ITIH5: variants seen among roughly 807,000 people sequenced by gnomAD.
ITIH5 encodes inter-alpha-trypsin inhibitor heavy chain 5.
A neutral mutation model predicts 77.5 loss-of-function variants in ITIH5; 65 were observed. That is an observed-to-expected ratio of 0.84 (90% CI 0.69 to 1.03). The LOEUF is 1.03. Ranked by LOEUF, ITIH5 falls within the 50% of genes least tolerant of loss-of-function variation. The pLI, the probability that ITIH5 is intolerant of heterozygous loss-of-function variation, is 0.00. For missense variants in ITIH5, 1,208 were observed against 1,213.1 expected (o/e 1.00, Z 0.06); for synonymous variants, 525 against 494.3 (o/e 1.06, Z -0.82).
intron 7 of ITIH5, among the ~76,000 whole-genome samples, chr10:7,587,532 C>T (rs977914070): frequency 2.0e-5 from 3 of 152,248 alleles, no homozygotes; most frequent in Non-Finnish European, 1.5e-5. Context: ...GGGCCCTGAG[C>T]AGTAAGCTCC....
chr10:7,629,528 A>ATGTTGCC (rs1833678215), intron 5 of ITIH5, among the ~76,000 whole-genome samples: 2 of 111,108 alleles, frequency 1.8e-5, no homozygotes, highest in African/African-American at 6.9e-5. Flanking sequence ...TCCGTGTTGC[A>ATGTTGCC]GCGTGTGTCC....
intron 7 of ITIH5, among the ~76,000 whole-genome samples, chr10:7,587,971 C>A (rs1259393986): frequency 6.6e-6 from 1 of 152,246 alleles, no homozygotes; most frequent in Non-Finnish European, 1.5e-5. Flanking sequence ...CTTCCTCACT[C>A]CTCAGCCGCC....
intron 2 of ITIH5, among the ~76,000 whole-genome samples, chr10:7,647,993 C>G (rs1834032688): frequency 6.6e-6 from 1 of 151,886 alleles, no homozygotes; most frequent in South Asian, 2.1e-4. Flanking sequence ...CCTGTAATCC[C>G]AGCACTTTAG....
rs746755332 is a variant in ITIH5, at chr10:7,666,804, T to C, written c.89A>G (p.Gln30Arg). 2.3e-5 allele frequency: 37 copies of C among 1,605,678 alleles called. No homozygotes were observed. Among genetic ancestry groups the C allele is most frequent in the Non-Finnish European group, 2.8e-5 (33 of 1,176,832 alleles). Residue 30 changes from glutamine to arginine, a missense_variant and splice_region_variant, in exon 1 of 14, where the codon CAG becomes CGG. Gln to Arg is a conservative substitution (Grantham distance 43). Transcript: ENST00000397146. ...CCGGCTCCCCTCGGCTCCACTTACC[T>C]GCTCCGAAGAGTGGCCCCAGCTCTG... ...EAQSWGHSSEQDGLRVPRQVR... is the reference protein window; with the variant it reads ...EAQSWGHSSERDGLRVPRQVR...
chr10:7,602,145 T>A (rs1833028519), intron 7 of ITIH5, among the ~76,000 whole-genome samples: 1 of 152,132 alleles, frequency 6.6e-6, no homozygotes, highest in Non-Finnish European at 1.5e-5. Flanking sequence ...TGAGCCACCA[T>A]GCCTGGCCTA....
At chr10:7,656,901 G>T (rs183574935) in intron 1 of ITIH5, among the ~76,000 whole-genome samples, 1 of 151,466 alleles carries the variant, frequency 6.6e-6, no homozygotes. Context: ...CTGCCACTAC[G>T]CCCCGCTAAT....
At position 7,579,928 on chromosome 10, in the gene ITIH5, G is replaced by A. The variant is rs1481194547; in HGVS notation, c.1245C>T (p.His415=). 2 of 1,614,104 alleles carry A rather than the reference G, an allele frequency of 1.2e-6. No individual in the cohort carries two copies. Among genetic ancestry groups the A allele is most frequent in the Non-Finnish European group, 1.7e-6 (2 of 1,180,056 alleles). The change falls in exon 9 of 14, where the codon CAC becomes CAT. Residue 415 remains histidine, a synonymous_variant. Transcript: ENST00000397146. ...GGGTGTTGTTGAGGATCTTGAGGGT[G>A]TGCGTCTCCCCGACCGTGGGCTTCC... is the stretch of plus-strand genomic sequence containing the variant. ...TDGKPTVGET[H]TLKILNNTRE... is the part of the protein sequence containing the mutation.
At chr10:7,632,564 A>C (rs1176972816) in intron 5 of ITIH5, among the ~76,000 whole-genome samples, 1 of 152,210 alleles carries the variant, frequency 6.6e-6, no homozygotes, top group Non-Finnish European at 1.5e-5. Context: ...ATTATTCTTA[A>C]CTTTACAAAT....
chr10:7,650,943 C>T (rs192817337), intron 2 of ITIH5, among the ~76,000 whole-genome samples: 8 of 152,050 alleles, frequency 5.3e-5, no homozygotes, highest in African/African-American at 1.9e-4. Context: ...AAACAAAATG[C>T]CATTTTTATT....
At chr10:7,654,731 T>C (rs1834152712) in intron 2 of ITIH5, among the ~76,000 whole-genome samples, 1 of 152,238 alleles carries the variant, frequency 6.6e-6, no homozygotes, top group African/African-American at 2.4e-5. Flanking sequence ...TCTCCTGTTT[T>C]CTGCTAGTAT....
chr10:7,642,129 T>C (rs765893388), intron 2 of ITIH5, 39 bp from the exon 3 acceptor site: 5 of 1,535,648 alleles, frequency 3.3e-6, no homozygotes, highest in Non-Finnish European at 4.4e-6. Context: ...CGGTGATGCA[T>C]GAAAGCATTT....
At chr10:7,610,225 C>T (rs560517017) in intron 7 of ITIH5, among the ~76,000 whole-genome samples, 18 of 152,200 alleles carry the variant, frequency 1.2e-4, no homozygotes, top group African/African-American at 3.9e-4. Context: ...AGCAAAGCCA[C>T]GTGCCAGCAA....
chr10:7,654,554 T>C (rs1187265509), intron 2 of ITIH5, among the ~76,000 whole-genome samples: 1 of 152,008 alleles, frequency 6.6e-6, no homozygotes, highest in Non-Finnish European at 1.5e-5. Context: ...TATTAAAGAG[T>C]CGCGTTCCCT....
At chr10:7,605,810 G>A (rs1443868639) in intron 7 of ITIH5, among the ~76,000 whole-genome samples, 1 of 152,030 alleles carries the variant, frequency 6.6e-6, no homozygotes, top group Non-Finnish European at 1.5e-5. Context: ...TTATCTTGCT[G>A]TTACTTGTAG....
intron 7 of ITIH5, among the ~76,000 whole-genome samples, chr10:7,614,619 T>A (rs751137330): frequency 6.6e-6 from 1 of 152,144 alleles, no homozygotes; most frequent in Non-Finnish European, 1.5e-5. Context: ...AGTTAAACCC[T>A]AGTCTCACTT....
chr10:7,587,203 C>G (rs1832696987), intron 7 of ITIH5, among the ~76,000 whole-genome samples: 1 of 152,082 alleles, frequency 6.6e-6, no homozygotes, highest in East Asian at 1.9e-4. Context: ...ATCAGGGATG[C>G]TCAGTGATAA....
chr10:7,640,633 TAAAA>T (rs1833869815), intron 4 of ITIH5, 117 bp downstream of exon 4: 1 of 645,696 alleles, frequency 1.5e-6, no homozygotes, highest in Non-Finnish European at 2.7e-6. Flanking sequence ...TATATTTTGA[TAAAA>T]AAGAAAGAGA....
chr10:7,632,283 G>A (rs1330872897), intron 5 of ITIH5, among the ~76,000 whole-genome samples: 1 of 152,182 alleles, frequency 6.6e-6, no homozygotes, highest in Non-Finnish European at 1.5e-5. Context: ...ATCAGCGGTT[G>A]CCTGGGGCTG....
chr10:7,604,872 A>G (rs1833091255), intron 7 of ITIH5, among the ~76,000 whole-genome samples: 1 of 151,994 alleles, frequency 6.6e-6, no homozygotes, highest in South Asian at 2.1e-4. Flanking sequence ...GCCAGGCTGG[A>G]GTGCAGTGGT....
Sources: allele counts gnomAD v4.1 joint callset (sites outside exome capture counted in the v4.1 genomes callset), GRCh38; gene constraint gnomAD v4.1.1; transcripts MANE v1.5; gene names NCBI Gene and HGNC (gene_info 2026-07-23, HGNC 2026-07-21).